PCDHA11: variants seen among roughly 807,000 people sequenced by gnomAD.
PCDHA11 encodes protocadherin alpha 11.
In PCDHA11, 61 loss-of-function variants were observed where a neutral mutation model predicts 70.3. That is an observed-to-expected ratio of 0.87 (90% CI 0.71 to 1.07). PCDHA11 has a LOEUF of 1.07. Ranked by LOEUF, PCDHA11 falls within the 50% of genes least tolerant of loss-of-function variation. The pLI is 0.00. For missense variants in PCDHA11, 1,324 were observed against 1,237.5 expected (o/e 1.07, Z -1.05); for synonymous variants, 633 against 555.1 (o/e 1.14, Z -1.97).
intron 1 of PCDHA11, among the ~76,000 whole-genome samples, chr5:140,894,946 A>G (rs1463727802): frequency 6.6e-6 from 1 of 152,206 alleles, no homozygotes; most frequent in African/African-American, 2.4e-5. Flanking sequence ...ATTGTCATGA[A>G]ATGATAAAAA....
intron 1 of PCDHA11, among the ~76,000 whole-genome samples, chr5:140,889,313 T>G (rs1554183863): frequency 6.6e-6 from 1 of 152,078 alleles, no homozygotes; most frequent in Non-Finnish European, 1.5e-5. Flanking sequence ...ACTGTTGAAG[T>G]TATCTGTATC....
intron 1 of PCDHA11, chr5:140,876,140 C>T: frequency 6.2e-7 from 1 of 1,613,944 alleles, no homozygotes; most frequent in East Asian, 2.2e-5. Context: ...CCAGAACTAA[C>T]AGGGTCTGTC....
intron 1 of PCDHA11, among the ~76,000 whole-genome samples, chr5:140,932,852 T>C (rs2088679496): frequency 1.3e-5 from 2 of 151,996 alleles, no homozygotes; most frequent in Non-Finnish European, 2.9e-5. Flanking sequence ...ATAATGTTAA[T>C]GACTTATTGT....
Position 140,870,537 on chromosome 5 carries a change from G to C in PCDHA11, c.1434G>C (p.Ala478=), listed in dbSNP as rs575452776. Residue 478 remains alanine (A), a synonymous_variant, in exon 1 of 4, where the codon GCG becomes GCC. Transcript: ENST00000398640. Reference sequence around the variant, plus strand: ...GCTGCCACATCTTCACAGTGTCGGCGCGGGACGCGGACGCGCAGGAGAACG... The same window carrying C: ...GCTGCCACATCTTCACAGTGTCGGCCCGGGACGCGGACGCGCAGGAGAACG... ...PPGCHIFTVS[A]RDADAQENAL... 1 of 1,614,172 alleles carries C rather than the reference G, an allele frequency of 6.2e-7. No individual in the cohort carries two copies. The highest frequency in any genetic ancestry group is 8.5e-7 in the Non-Finnish European group (1 of 1,180,034).
At chr5:140,873,210 A>G (rs1372631390) in intron 1 of PCDHA11, among the ~76,000 whole-genome samples, 2 of 152,208 alleles carry the variant, frequency 1.3e-5, no homozygotes, top group African/African-American at 4.8e-5. Flanking sequence ...TTCTTTAAGT[A>G]TTAAAGAGAA....
intron 1 of PCDHA11, chr5:140,883,569 C>A (rs781786717): frequency 1.9e-6 from 3 of 1,614,134 alleles, no homozygotes; most frequent in South Asian, 2.2e-5. Flanking sequence ...GGCTCGCCTT[C>A]GCTGTGGGCC....
At chr5:140,975,938 T>C (rs2096690603) in intron 1 of PCDHA11, among the ~76,000 whole-genome samples, 1 of 152,160 alleles carries the variant, frequency 6.6e-6, no homozygotes, top group Admixed American at 6.5e-5. Context: ...TTTGAAGCAA[T>C]AGGACATATT....
rs1451679036 is a variant in PCDHA11, at chr5:140,876,215, A to C, written c.2391+4721A>C. On this transcript the variant is annotated intron_variant, in intron 1 of 3. Coordinates refer to ENST00000398640, the MANE Select transcript of PCDHA11 (RefSeq NM_018902.5). ...CCGGCGTTTGATAAGCCCAGCTATA[A>C]AGTAGTGTTGTCTGAAAATGTCCAA... The C allele has an allele frequency of 1.2e-6, 2 of 1,613,890 alleles. No homozygotes were observed. The highest frequency in any genetic ancestry group is 1.7e-6 in the Non-Finnish European group (2 of 1,179,898).
chr5:140,956,597 C>T (rs1015881961), intron 1 of PCDHA11, among the ~76,000 whole-genome samples: 1 of 152,054 alleles, frequency 6.6e-6, no homozygotes, highest in African/African-American at 2.4e-5. Flanking sequence ...TCAGGGATAT[C>T]AGCTGGAAGT....
chr5:140,987,453 A>C (rs2097255093), intron 3 of PCDHA11, among the ~76,000 whole-genome samples: 1 of 152,106 alleles, frequency 6.6e-6, no homozygotes, highest in South Asian at 2.1e-4. Context: ...CCGAGAGATA[A>C]TTGTTAAGAG....
At position 140,999,623 on chromosome 5, in the gene PCDHA11, A is replaced by G. The variant is rs188539860; in HGVS notation, c.2540-10004A>G. ...CCTGGGGGACCTTATCAACCAGGAAACAAGGTAGAGAAAACTGTGCAGCCT... is the reference window on the plus strand; with the variant it reads ...CCTGGGGGACCTTATCAACCAGGAAGCAAGGTAGAGAAAACTGTGCAGCCT... On this transcript the variant is annotated intron_variant, in intron 3 of 3. Transcript: ENST00000398640. Among the ~76,000 whole-genome samples the G allele has an allele frequency of 1.3e-4, 20 of 152,330 alleles. No individual in the cohort carries two copies. In the East Asian group the frequency reaches 3.9e-3, roughly 29 times the overall value.
chr5:140,875,924 A>G (rs782181544), intron 1 of PCDHA11: 5 of 1,613,936 alleles, frequency 3.1e-6, no homozygotes, highest in Non-Finnish European at 4.2e-6. Context: ...CTGGACTCTC[A>G]TTTTCCTCTA....
chr5:141,001,468 G>A (rs1375908420), intron 3 of PCDHA11, among the ~76,000 whole-genome samples: 1 of 152,226 alleles, frequency 6.6e-6, no homozygotes, highest in African/African-American at 2.4e-5. Context: ...GGACTAAGCA[G>A]CAGCGGGGAA....
intron 1 of PCDHA11, chr5:140,929,169 T>C: frequency 6.2e-7 from 1 of 1,614,188 alleles, no homozygotes; most frequent in Non-Finnish European, 8.5e-7. Flanking sequence ...ATCGGGCCTC[T>C]CTGGGACTTG....
chr5:140,947,668 T>A (rs2094160892), intron 1 of PCDHA11, among the ~76,000 whole-genome samples: 1 of 151,602 alleles, frequency 6.6e-6, no homozygotes, highest in Admixed American at 6.6e-5. Flanking sequence ...TACTTGGGTC[T>A]TTAAAAAATT....
chr5:140,999,934 T>C (rs1236304987), intron 3 of PCDHA11, among the ~76,000 whole-genome samples: 1 of 152,068 alleles, frequency 6.6e-6, no homozygotes, highest in Non-Finnish European at 1.5e-5. Context: ...GCTCAACTCA[T>C]TCCACCCAAA....
chr5:140,895,136 A>G (rs781801401), intron 1 of PCDHA11, among the ~76,000 whole-genome samples: 43 of 152,306 alleles, frequency 2.8e-4, no homozygotes, highest in Non-Finnish European at 5.6e-4. Context: ...ACAAGTTCAT[A>G]GGGCTAAGAC....
chr5:141,009,739 C>A lies in PCDHA11; in HGVS notation c.2652C>A (p.Pro884=), dbSNP rs370989006. Residue 884 remains proline, a synonymous_variant, in exon 4 of 4, where the codon CCC becomes CCA. Transcript: ENST00000398640. ...AACAATCCGGTCCCGGTGAGTTGCC[C>A]GACAAATTCATTATCCCAGGATCTC... ...NPKQSGPGEL[P]DKFIIPGSPA... 2 of 1,614,010 alleles carry A rather than the reference C, an allele frequency of 1.2e-6. No homozygotes were observed. Among genetic ancestry groups the A allele is most frequent in the Non-Finnish European group, 1.7e-6 (2 of 1,180,008 alleles).
At chr5:140,921,981 A>G (rs2080540156) in intron 1 of PCDHA11, among the ~76,000 whole-genome samples, 1 of 152,092 alleles carries the variant, frequency 6.6e-6, no homozygotes, top group Non-Finnish European at 1.5e-5. Flanking sequence ...AAATAGAACT[A>G]AAAAAGAGTT....
Sources: allele counts gnomAD v4.1 joint callset (sites outside exome capture counted in the v4.1 genomes callset), GRCh38; gene constraint gnomAD v4.1.1; transcripts MANE v1.5; gene names NCBI Gene and HGNC (gene_info 2026-07-23, HGNC 2026-07-21).